The following CYP2R1 variants were observed in gnomAD, a reference collection of about 807,000 sequenced individuals.
CYP2R1 encodes the protein vitamin D 25-hydroxylase.
CYP2R1 carries 40 observed loss-of-function variants against 45.7 expected under a neutral mutation model. That is an observed-to-expected ratio of 0.87 (90% CI 0.68 to 1.14). The LOEUF is 1.14. Among genes scored for constraint, CYP2R1 ranks in the 50% most tolerant of loss-of-function variants. The probability of loss-of-function intolerance (pLI) is 0.00; values close to 1 mark genes in which losing one functional copy is unlikely to be tolerated. For synonymous variants in CYP2R1, 234 were observed against 219.3 expected, an observed-to-expected ratio of 1.07 and a Z score of -0.59; for missense variants, 605 against 602.6, an observed-to-expected ratio of 1.00 and a Z score of -0.04.
rs782082060 is a variant in CYP2R1 at position 14,879,476 on chromosome 11, A to G, written c.1001-33T>C. 5 of 1,520,590 alleles carry G rather than the reference A, an allele frequency of 3.3e-6. No individual in the cohort carries two copies. The Admixed American group carries it at 8.7e-5, about 26-fold the overall frequency. The allele number at this position is 1,520,590 out of a possible 1,614,324, so 94.2% of individuals were successfully genotyped here. Reference sequence around the variant, plus strand: ...AGAAAAAGTATTCAAGTTATTATGCAGTTCTTAGAATTATACCTAAAGTTA... The same window carrying G: ...AGAAAAAGTATTCAAGTTATTATGCGGTTCTTAGAATTATACCTAAAGTTA... On this transcript the variant is annotated intron_variant, in intron 3 of 4. Transcript: ENST00000334636.
Position 14,877,997 on chromosome 11 carries a change from C to T in CYP2R1, c.*125G>A, listed in dbSNP as rs1437492205. The T allele has an allele frequency of 6.3e-6, 6 of 950,900 alleles. No homozygotes were observed. Among genetic ancestry groups the T allele is most frequent in the South Asian group, 1.6e-5 (1 of 63,276 alleles). The allele number at this position is 950,900 out of a possible 1,614,324, so 58.9% of individuals were successfully genotyped here. A position where few individuals can be genotyped will look rare whatever the true frequency, so the allele number is the denominator to read the frequency against. On this transcript the variant is annotated 3_prime_UTR_variant, in exon 5 of 5. Transcript: ENST00000334636. ...TCTGCTCTAGTACTATTTTAAGACA[C>T]ATCTGTGTTCATTTGGCTTTTTGAT...
intron 2 of CYP2R1, among the ~76,000 whole-genome samples, chr11:14,883,536 A>C (rs1555013126): frequency 6.6e-6 from 1 of 151,574 alleles, no homozygotes; most frequent in Non-Finnish European, 1.5e-5. Context: ...AATTAATTCA[A>C]GATGGATTAA....
Position 14,879,837 on chromosome 11 carries a change from G to C in CYP2R1, c.1000+299C>G, listed in dbSNP as rs572546412. Among the ~76,000 whole-genome samples the C allele has an allele frequency of 2.0e-5, 3 of 152,198 alleles. No homozygotes were observed. The South Asian group carries it at 6.2e-4, about 32-fold the overall frequency. ...GAATTGGAGTAAGAAAAATAGTAAA[G>C]CATAAAATTAGTTTTTAAAATTCTA... On this transcript the variant is annotated intron_variant, in intron 3 of 4. Transcript: ENST00000334636.
chr11:14,880,109 C>T, intron 3 of CYP2R1, 27 bp downstream of exon 3: 2 of 1,611,230 alleles, frequency 1.2e-6, no homozygotes, highest in East Asian at 4.5e-5. Flanking sequence ...TAAGGATAGA[C>T]CCTGAGATCA....
chr11:14,889,186 G>A (rs1848734469), intron 1 of CYP2R1, among the ~76,000 whole-genome samples: 2 of 146,242 alleles, frequency 1.4e-5, no homozygotes. Flanking sequence ...TTTTCTGTGA[G>A]CATACATCTC....
chr11:14,891,168 G>C (rs568177082), intron 1 of CYP2R1: 1 of 985,436 alleles, frequency 1.0e-6, no homozygotes, highest in South Asian at 4.7e-5. Context: ...AGCGGTGGTC[G>C]CCTTTTCCGC....
intron 2 of CYP2R1, among the ~76,000 whole-genome samples, chr11:14,884,168 A>T (rs1848510674): frequency 6.6e-6 from 1 of 151,992 alleles, no homozygotes; most frequent in African/African-American, 2.4e-5. Context: ...TGACCCTGCC[A>T]TCCCATTACT....
intron 1 of CYP2R1, among the ~76,000 whole-genome samples, chr11:14,888,686 G>C (rs1848710911): frequency 6.6e-6 from 1 of 152,100 alleles, no homozygotes; most frequent in African/African-American, 2.4e-5. Context: ...TCTTCTGCCT[G>C]CATGCTAAAT....
At chr11:14,890,085 C>T (rs556425553) in intron 1 of CYP2R1, among the ~76,000 whole-genome samples, 3 of 152,132 alleles carry the variant, frequency 2.0e-5, no homozygotes, top group Non-Finnish European at 4.4e-5. Context: ...GCCGAGATGG[C>T]GTCACTGCAC....
intron 4 of CYP2R1, 68 bp downstream of exon 4, chr11:14,879,046 A>T: frequency 7.9e-7 from 1 of 1,260,226 alleles, no homozygotes; most frequent in Non-Finnish European, 1.2e-6. Context: ...CTTCAGATTA[A>T]GATGCTGTAT....
chr11:14,890,198 CTGT>C (rs756983979), intron 1 of CYP2R1, among the ~76,000 whole-genome samples: 3 of 151,622 alleles, frequency 2.0e-5, no homozygotes, highest in African/African-American at 7.3e-5. Context: ...TTTCTGTTTT[CTGT>C]TGTTATTCTC....
At chr11:14,885,432 C>G (rs1202640543) in intron 2 of CYP2R1, among the ~76,000 whole-genome samples, 3 of 152,106 alleles carry the variant, frequency 2.0e-5, no homozygotes, top group African/African-American at 7.2e-5. Flanking sequence ...AAAAATGTCA[C>G]CAAGTACTCA....
At position 14,878,028 on chromosome 11, in the gene CYP2R1, G is replaced by C. The variant is rs772865661; in HGVS notation, c.*94C>G. The C allele has an allele frequency of 5.4e-5, 74 of 1,369,408 alleles. No homozygotes were observed. Among genetic ancestry groups the C allele is most frequent in the Non-Finnish European group, 7.3e-5 (72 of 983,124 alleles). 84.8% of individuals were successfully genotyped at this position (1,369,408 alleles called of 1,614,324 possible). ...TGTTCATTTGGCTTTTTGATGCTGT[G>C]ACTTTTATTCTAATACACACATTGA... On this transcript the variant is annotated 3_prime_UTR_variant, in exon 5 of 5. Coordinates refer to ENST00000334636, the MANE Select transcript of CYP2R1 (RefSeq NM_024514.5).
chr11:14,887,515 G>C, intron 1 of CYP2R1: 2 of 814,862 alleles, frequency 2.5e-6, no homozygotes, highest in Non-Finnish European at 3.0e-6. Flanking sequence ...TCTATGGAAG[G>C]GTACAAGATT....
intron 3 of CYP2R1, 51 bp downstream of exon 3, chr11:14,880,085 A>C: frequency 6.3e-7 from 1 of 1,598,034 alleles, no homozygotes; most frequent in African/African-American, 1.3e-5. Flanking sequence ...AAAAACATGT[A>C]TGAACCCTAC....
At chr11:14,889,496 C>G (rs1433717140) in intron 1 of CYP2R1, among the ~76,000 whole-genome samples, 2 of 152,196 alleles carry the variant, frequency 1.3e-5, no homozygotes, top group Admixed American at 1.3e-4. Context: ...AATGTCTACT[C>G]TTTGATGCAT....
In CYP2R1 at chr11:14,880,639, T is replaced by C. The variant is rs781906434; in HGVS notation, c.497A>G (p.Asn166Ser). Reference sequence around the variant, plus strand: ...ACCTTTGTATGTTTCAATAGCATCATTGAAAAATTTGGTTTCTTCCAAGAT... The same window carrying C: ...ACCTTTGTATGTTTCAATAGCATCACTGAAAAATTTGGTTTCTTCCAAGAT... ...SKILEETKFF[N>S]DAIETYKGRP... The change falls in exon 3 of 5, where the codon AAT becomes AGT. Residue 166 changes from asparagine (N) to serine (S), a missense_variant. Coordinates refer to ENST00000334636, the MANE Select transcript of CYP2R1 (RefSeq NM_024514.5). 8.1e-5 allele frequency: 130 copies of C among 1,598,588 alleles called. 1 individual carries two copies. Among genetic ancestry groups the C allele is most frequent in the Middle Eastern group, 3.3e-4 (2 of 5,994 alleles).
At chr11:14,891,947 G>A in intron 1 of CYP2R1, 34 bp downstream of exon 1, 17 of 1,604,924 alleles carry the variant, frequency 1.1e-5, no homozygotes, top group Non-Finnish European at 1.4e-5. Flanking sequence ...CCAGCCTGGC[G>A]GCCCTCCCTG....
Position 14,885,844 on chromosome 11 carries a change from A to T in CYP2R1, c.299T>A (p.Val100Asp), listed in dbSNP as rs201553303. Reference protein sequence around the residue: ...NGYDVVKECLVHQSEIFADRP... With the variant: ...NGYDVVKECLDHQSEIFADRP... ...GTCTGCAAAAATTTCGCTTTGATGA[A>T]CAAGGCATTCCTTTACTACATCATA... Residue 100 changes from valine to aspartate, a missense_variant, in exon 2 of 5, where the codon GTT becomes GAT. Coordinates refer to ENST00000334636, the MANE Select transcript of CYP2R1 (RefSeq NM_024514.5). The T allele has an allele frequency of 6.2e-7, 1 of 1,613,686 alleles. No homozygotes were observed. The highest frequency in any genetic ancestry group is 1.7e-5 in the Admixed American group (1 of 59,986).
Sources: gnomAD v4.1 joint callset for allele counts (sites outside exome capture counted in the v4.1 genomes callset) on GRCh38, gnomAD v4.1.1 for gene constraint, MANE v1.5 for transcripts, NCBI Gene and HGNC (gene_info 2026-07-23, HGNC 2026-07-21) for gene names.